The following SCML4 variants were observed in gnomAD, a reference collection of about 807,000 sequenced individuals.
SCML4 encodes the protein Scm polycomb group protein like 4.
In SCML4, 34 loss-of-function variants were observed where a neutral mutation model predicts 41.1. The observed-to-expected ratio is 0.83, with a 90% confidence interval of 0.63 to 1.10. SCML4 has a LOEUF of 1.10. Among genes scored for constraint, SCML4 ranks in the 50% least tolerant of loss-of-function variants. The pLI, the probability that SCML4 is intolerant of heterozygous loss-of-function variation, is 0.00. For missense variants in SCML4, 522 were observed against 534.1 expected (o/e 0.98, Z 0.22); for synonymous variants, 214 against 220.9 (o/e 0.97, Z 0.28).
At chr6:107,715,222 A>T (rs577496980) in intron 6 of SCML4, among the ~76,000 whole-genome samples, 2 of 127,066 alleles carry the variant, frequency 1.6e-5, no homozygotes, top group African/African-American at 3.2e-5. Context: ...TGATCCGCCC[A>T]CCTCTGCCTC....
chr6:107,767,240 G>T (rs1780134509), intron 2 of SCML4, among the ~76,000 whole-genome samples: 1 of 152,072 alleles, frequency 6.6e-6, no homozygotes, highest in African/African-American at 2.4e-5. Flanking sequence ...ACAGACTTGA[G>T]CCACCACACC....
At chr6:107,845,971 G>A in the SCML4 span, among the ~76,000 whole-genome samples, 2 of 152,168 alleles carry the variant, frequency 1.3e-5, no homozygotes, top group Admixed American at 1.3e-4. Context: ...GAGACAAGTG[G>A]GCCTCTGATG....
rs532741017 is a variant in SCML4 at position 107,729,063 on chromosome 6, A to G, written c.683-8070T>C. ...TGGCAGGAAGGAAAAGGACCTTCAC[A>G]AGCACCCAGCCCAGCATTTCCCCAA... is the stretch of plus-strand genomic sequence containing the variant. On this transcript the variant is annotated intron_variant, in intron 5 of 7. Transcript: ENST00000369020. Among the ~76,000 whole-genome samples, 130 of 152,340 alleles carry G rather than the reference A, an allele frequency of 8.5e-4. 2 individuals carry two copies. The highest frequency in any genetic ancestry group is 6.8e-3 in the Middle Eastern group (2 of 294).
intron 1 of SCML4, among the ~76,000 whole-genome samples, chr6:107,790,347 A>G (rs112073421): frequency 4.3e-4 from 65 of 152,310 alleles, no homozygotes; most frequent in African/African-American, 1.5e-3. Context: ...CATAGAAAGA[A>G]AGGGGGAGAG....
Position 107,702,504 on chromosome 6 carries a change from T to C in SCML4, c.*2696A>G, listed in dbSNP as rs1022768824. Among the ~76,000 whole-genome samples, 3 of 152,154 alleles carry C rather than the reference T, an allele frequency of 2.0e-5. No homozygotes were observed. Among genetic ancestry groups the C allele is most frequent in the Non-Finnish European group, 4.4e-5 (3 of 68,036 alleles). ...GGAAGTCACTACATGAGGTATCTGT[T>C]GATGGAAGAGGTACCACAAGTATCG... On this transcript the variant is annotated 3_prime_UTR_variant, in exon 8 of 8. Transcript: ENST00000369020.
the SCML4 span, among the ~76,000 whole-genome samples, chr6:107,830,743 A>G: frequency 6.6e-6 from 1 of 152,200 alleles, no homozygotes. Context: ...TCAGAAAAAA[A>G]AATCATTCAT....
Position 107,788,664 on chromosome 6 carries a change from C to A in SCML4, c.-59-16278G>T, listed in dbSNP as rs202216076. Among the ~76,000 whole-genome samples the A allele has an allele frequency of 3.3e-5, 5 of 152,230 alleles. No individual in the cohort carries two copies. In the East Asian group the frequency reaches 9.7e-4, roughly 29 times the overall value. On this transcript the variant is annotated intron_variant, in intron 1 of 7. Coordinates refer to ENST00000369020, the MANE Select transcript of SCML4 (RefSeq NM_198081.5). Reference sequence around the variant, plus strand: ...CATGGGGGTGAAGCTGCTACCAACACCCTGGTATTAGGGAGGGTTTTAGAG... The same window carrying A: ...CATGGGGGTGAAGCTGCTACCAACAACCTGGTATTAGGGAGGGTTTTAGAG...
intron 1 of SCML4, among the ~76,000 whole-genome samples, chr6:107,801,846 C>T (rs910420667): frequency 2.4e-4 from 37 of 152,006 alleles, no homozygotes; most frequent in African/African-American, 8.7e-4. Context: ...CTCACCACAA[C>T]CTCCGCCTCC....
At chr6:107,763,373 T>A (rs892074743) in intron 2 of SCML4, among the ~76,000 whole-genome samples, 2 of 148,618 alleles carry the variant, frequency 1.3e-5, no homozygotes, top group African/African-American at 4.9e-5. Flanking sequence ...AAGAGATTCA[T>A]GTTCTTGTTT....
intron 4 of SCML4, chr6:107,745,920 A>C (rs1472623571): frequency 2.0e-5 from 3 of 152,138 alleles, no homozygotes; most frequent in Non-Finnish European, 2.9e-5. Flanking sequence ...TTGAGCCCGG[A>C]AGATCGAGGC....
At chr6:107,732,325 T>C (rs1776645467) in intron 5 of SCML4, 1 of 152,292 alleles carries the variant, frequency 6.6e-6, no homozygotes, top group South Asian at 2.1e-4. Flanking sequence ...TTTGCTTCAA[T>C]TAAATTTTCC....
rs903808395 is a variant in SCML4 at position 107,720,554 on chromosome 6, A to G, written c.973+149T>C. On this transcript the variant is annotated intron_variant, in intron 6 of 7. Coordinates refer to ENST00000369020, the MANE Select transcript of SCML4 (RefSeq NM_198081.5). ...GAGTTTGGCTGTTTTTGAGAACCTCAAGATCCATGAAAGGACTTGTGGAAA... is the reference window on the plus strand; with the variant it reads ...GAGTTTGGCTGTTTTTGAGAACCTCGAGATCCATGAAAGGACTTGTGGAAA... 1.6e-5 allele frequency: 22 copies of G among 1,419,296 alleles called. 1 individual carries two copies. The Admixed American group carries it at 5.4e-4, about 35-fold the overall frequency. The allele number at this position is 1,419,296 out of a possible 1,614,324, so 87.9% of individuals were successfully genotyped here.
intron 1 of SCML4, among the ~76,000 whole-genome samples, chr6:107,773,905 A>T (rs1394871202): frequency 2.0e-5 from 3 of 152,256 alleles, no homozygotes. Flanking sequence ...CCTTGTCTAC[A>T]AGGACAAGAT....
At chr6:107,728,843 G>C (rs892348395) in intron 5 of SCML4, among the ~76,000 whole-genome samples, 4 of 152,192 alleles carry the variant, frequency 2.6e-5, no homozygotes, top group African/African-American at 7.2e-5. Context: ...ATGTGGCTCT[G>C]TAAAGTGGCT....
chr6:107,717,378 C>T (rs953483265), intron 6 of SCML4, among the ~76,000 whole-genome samples: 7 of 151,372 alleles, frequency 4.6e-5, no homozygotes, highest in African/African-American at 1.5e-4. Flanking sequence ...TTCAGTGTAT[C>T]ACAAAGGCTC....
At chr6:107,756,486 C>T (rs1779123640) in intron 2 of SCML4, among the ~76,000 whole-genome samples, 1 of 152,178 alleles carries the variant, frequency 6.6e-6, no homozygotes, top group South Asian at 2.1e-4. Flanking sequence ...AAATTCTGAG[C>T]AACTTTCCCA....
Position 107,747,852 on chromosome 6 carries a change from A to G in SCML4, c.287-963T>C, listed in dbSNP as rs1164003745. 3.9e-5 allele frequency among the ~76,000 whole-genome samples: 6 copies of G among 152,326 alleles called. No individual in the cohort carries two copies. The East Asian group carries it at 9.6e-4, about 24-fold the overall frequency. ...GGTGAGGGATTCAGACCTAGTTTAT[A>G]CAAGTTCAACTTCATTCTATTCTAT... On this transcript the variant is annotated intron_variant, in intron 3 of 7. Coordinates refer to ENST00000369020, the MANE Select transcript of SCML4 (RefSeq NM_198081.5).
intron 1 of SCML4, among the ~76,000 whole-genome samples, chr6:107,789,374 T>G (rs1782143228): frequency 6.6e-6 from 1 of 152,088 alleles, no homozygotes; most frequent in South Asian, 2.1e-4. Context: ...TCATCACATC[T>G]CCTCTGAGTC....
At chr6:107,736,181 G>A (rs1205674260) in intron 5 of SCML4, among the ~76,000 whole-genome samples, 1 of 152,220 alleles carries the variant, frequency 6.6e-6, no homozygotes, top group Non-Finnish European at 1.5e-5. Flanking sequence ...GGAAAGGCAG[G>A]AAACCCAGGA....
Sources: gnomAD v4.1 joint callset for allele counts (sites outside exome capture counted in the v4.1 genomes callset) on GRCh38, gnomAD v4.1.1 for gene constraint, MANE v1.5 for transcripts, NCBI Gene and HGNC (gene_info 2026-07-23, HGNC 2026-07-21) for gene names.